The following ELOC variants were observed in gnomAD, a reference collection of about 807,000 sequenced individuals.
The protein encoded by ELOC is elongin C, also known as elongin-C.
For synonymous variants in ELOC, 40 were observed against 51.3 expected (o/e 0.78, Z 0.94); for missense variants, 38 against 139.0 (o/e 0.27, Z 3.65).
chr8:73,955,959 C>T lies in ELOC; in HGVS notation c.100G>A (p.Glu34Lys). The T allele has an allele frequency of 6.2e-7, 1 of 1,614,092 alleles. No individual in the cohort carries two copies. Among genetic ancestry groups the T allele is most frequent in the Non-Finnish European group, 8.5e-7 (1 of 1,179,940 alleles). The change falls in exon 3 of 4, where the codon GAA becomes AAA. Residue 34 changes from glutamate to lysine, a missense_variant. By Grantham distance (56) the Glu-to-Lys change is moderately conservative. Transcript: ENST00000520242. ...SDGHEFIVKREHALTSGTIKA... is the reference protein window; with the variant it reads ...SDGHEFIVKRKHALTSGTIKA... ...ATCGTGCCTGATGTTAATGCATGTT[C>T]TCTTTTTACAATAAATTCATGGCCA...
intron 2 of ELOC, among the ~76,000 whole-genome samples, chr8:73,959,232 A>G (rs765501645): frequency 3.9e-5 from 6 of 152,074 alleles, no homozygotes; most frequent in Non-Finnish European, 5.9e-5. Context: ...AGGCTACAGT[A>G]AATTTACCTG....
intron 3 of ELOC, among the ~76,000 whole-genome samples, chr8:73,948,166 T>A (rs1292625121): frequency 6.8e-6 from 1 of 148,018 alleles, no homozygotes; most frequent in Non-Finnish European, 1.5e-5. Flanking sequence ...CACTCCAGCC[T>A]GGGCGACAAG....
At chr8:73,969,144 A>G (rs1815190653) in intron 1 of ELOC, among the ~76,000 whole-genome samples, 3 of 152,136 alleles carry the variant, frequency 2.0e-5, no homozygotes, top group African/African-American at 4.8e-5. Context: ...TACTGCACAT[A>G]TTCTCAGGTG....
At chr8:73,967,584 C>T (rs1815080673) in intron 1 of ELOC, among the ~76,000 whole-genome samples, 1 of 151,528 alleles carries the variant, frequency 6.6e-6, no homozygotes, top group African/African-American at 2.4e-5. Flanking sequence ...TCTCCTGCCT[C>T]AGCCTCCCGA....
chr8:73,955,704 G>A (rs2131111445), intron 3 of ELOC: 3 of 572,406 alleles, frequency 5.2e-6, no homozygotes, highest in East Asian at 3.2e-5. Context: ...GGCGGAGATT[G>A]CAGTGAGCTG....
At chr8:73,951,558 T>C (rs533085756) in intron 3 of ELOC, among the ~76,000 whole-genome samples, 18 of 151,324 alleles carry the variant, frequency 1.2e-4, no homozygotes, top group Middle Eastern at 3.5e-3. Context: ...GGTGGGAGGA[T>C]TGCTTGAGCC....
intron 3 of ELOC, 165 bp downstream of exon 3, chr8:73,955,746 C>T: frequency 1.2e-6 from 1 of 829,888 alleles, no homozygotes; most frequent in Non-Finnish European, 1.9e-6. Flanking sequence ...GCCTGGGCAA[C>T]AGAATGAGAC....
chr8:73,957,780 T>C (rs1300275614), intron 2 of ELOC, among the ~76,000 whole-genome samples: 1 of 151,012 alleles, frequency 6.6e-6, no homozygotes, highest in Non-Finnish European at 1.5e-5. Context: ...ACCCAACTAT[T>C]TGTTTATTTA....
chr8:73,970,329 A>G (rs1217409823), intron 1 of ELOC, among the ~76,000 whole-genome samples: 2 of 152,172 alleles, frequency 1.3e-5, no homozygotes, highest in Admixed American at 6.5e-5. Flanking sequence ...ACCAAGATAA[A>G]CATTTTAGAA....
At chr8:73,970,692 C>T (rs908943956) in intron 1 of ELOC, 13 of 151,916 alleles carry the variant, frequency 8.6e-5, no homozygotes, top group African/African-American at 3.1e-4. Flanking sequence ...TTTTAGGTAA[C>T]TGAATAGAAA....
chr8:73,950,910 A>T (rs558482222), intron 3 of ELOC, among the ~76,000 whole-genome samples: 1 of 152,356 alleles, frequency 6.6e-6, no homozygotes, highest in Non-Finnish European at 1.5e-5. Context: ...TTTCCAAGTG[A>T]AATGGCACAA....
chr8:73,965,005 G>A (rs1403383225), intron 1 of ELOC, among the ~76,000 whole-genome samples: 6 of 122,176 alleles, frequency 4.9e-5, no homozygotes, highest in South Asian at 2.7e-4. Context: ...TCCAGCCTGA[G>A]CAAGAGTAAG....
At position 73,945,218 on chromosome 8, in the gene ELOC, A is replaced by G. The variant is rs1813314163; in HGVS notation, c.*1412T>C. 6.6e-6 allele frequency: 1 copy of G among 150,962 alleles called. No homozygotes were observed. Among genetic ancestry groups the G allele is most frequent in the South Asian group, 2.1e-4 (1 of 4,788 alleles). The allele number at this position is 150,962 out of a possible 1,614,324, so 9.4% of individuals were successfully genotyped here. On this transcript the variant is annotated 3_prime_UTR_variant, in exon 4 of 4. Transcript: ENST00000520242. ...CTGCCACCTCCACCTCCCAGGTTCA[A>G]GCGATTCTCATGCCTCAGCCTCACA...
chr8:73,968,994 C>A (rs558082825), intron 1 of ELOC, among the ~76,000 whole-genome samples: 1 of 152,224 alleles, frequency 6.6e-6, no homozygotes, highest in African/African-American at 2.4e-5. Flanking sequence ...CTGGAGTGCT[C>A]CCAGTCATCT....
intron 3 of ELOC, among the ~76,000 whole-genome samples, chr8:73,952,505 G>A (rs1813844461): frequency 6.6e-6 from 1 of 150,648 alleles, no homozygotes; most frequent in Non-Finnish European, 1.5e-5. Context: ...GACTGGCCAG[G>A]TGCGGTGGCT....
At chr8:73,965,473 C>G (rs1002426374) in intron 1 of ELOC, among the ~76,000 whole-genome samples, 1 of 152,054 alleles carries the variant, frequency 6.6e-6, no homozygotes, top group Non-Finnish European at 1.5e-5. Flanking sequence ...TCTACTGATA[C>G]AACATGGAAG....
intron 1 of ELOC, among the ~76,000 whole-genome samples, chr8:73,960,520 A>C (rs561541302): frequency 2.2e-4 from 33 of 152,144 alleles, no homozygotes; most frequent in Non-Finnish European, 4.1e-4. Context: ...CTCCAGTTGG[A>C]GGGGTGCTGA....
rs57614556 is a variant in ELOC, at chr8:73,970,869, C to A, written c.-51+1208G>T. On this transcript the variant is annotated intron_variant, in intron 1 of 3. Coordinates refer to ENST00000520242, the MANE Select transcript of ELOC (RefSeq NM_005648.4). ...ATCTCTACTAAAAAACAAAACAAAACAAAAAAAAAACAAAATTAGCCGGCA... is the reference window on the plus strand; with the variant it reads ...ATCTCTACTAAAAAACAAAACAAAAAAAAAAAAAAACAAAATTAGCCGGCA... 0.33 allele frequency among the ~76,000 whole-genome samples: 41,526 copies of A among 127,382 alleles called. 6,127 individuals carry two copies. Among genetic ancestry groups the A allele is most frequent in the African/African-American group, 0.37 (12,295 of 33,570 alleles). 83.6% of individuals were successfully genotyped at this position (127,382 alleles called of 152,430 possible). A position where few individuals can be genotyped will look rare whatever the true frequency, so the allele number is the denominator to read the frequency against.
chr8:73,959,340 G>A (rs1242636382), intron 2 of ELOC, among the ~76,000 whole-genome samples: 1 of 152,206 alleles, frequency 6.6e-6, no homozygotes, highest in Non-Finnish European at 1.5e-5. Context: ...CTCCCAGGCA[G>A]CTGGACTATA....
Sources: allele counts gnomAD v4.1 joint callset (sites outside exome capture counted in the v4.1 genomes callset), GRCh38; gene constraint gnomAD v4.1.1; transcripts MANE v1.5; gene names NCBI Gene and HGNC (gene_info 2026-07-23, HGNC 2026-07-21).